Variants in DACH1 observed in about 807,000 individuals in gnomAD.
The protein encoded by DACH1 is dachshund family transcription factor 1.
Under a neutral mutation model 54.2 loss-of-function variants are expected in DACH1, and 12 were observed. That is an observed-to-expected ratio of 0.22 (90% CI 0.14 to 0.36). The LOEUF (loss-of-function observed/expected upper bound fraction) is 0.36. Among genes scored for constraint, DACH1 ranks in the 10% least tolerant of loss-of-function variants. The pLI, the probability that DACH1 is intolerant of heterozygous loss-of-function variation, is 1.00. For synonymous variants in DACH1, 386 were observed against 366.2 expected, an observed-to-expected ratio of 1.05 and a Z score of -0.62; for missense variants, 805 against 929.8, an observed-to-expected ratio of 0.87 and a Z score of 1.75.
intron 6 of DACH1, among the ~76,000 whole-genome samples, chr13:71,549,685 G>T (rs1216676389): frequency 6.6e-6 from 1 of 152,020 alleles, no homozygotes; most frequent in Non-Finnish European, 1.5e-5. Context: ...TTGCTTGTAT[G>T]ATAAATTCCT....
intron 10 of DACH1, among the ~76,000 whole-genome samples, chr13:71,448,092 A>C (rs2138108705): frequency 6.6e-6 from 1 of 152,298 alleles, no homozygotes; most frequent in Non-Finnish European, 1.5e-5. Context: ...TCTGTTAGGA[A>C]GTAGCTTTAT....
intron 1 of DACH1, among the ~76,000 whole-genome samples, chr13:71,698,556 A>G (rs939064756): frequency 9.9e-5 from 15 of 152,162 alleles, no homozygotes; most frequent in African/African-American, 3.4e-4. Flanking sequence ...ATATGCAAAA[A>G]TAAAACCCTA....
chr13:71,760,811 A>G (rs1311669480), intron 1 of DACH1, among the ~76,000 whole-genome samples: 1 of 152,132 alleles, frequency 6.6e-6, no homozygotes, highest in Non-Finnish European at 1.5e-5. Context: ...TTTCACCCCA[A>G]TCTCTTCATG....
intron 6 of DACH1, among the ~76,000 whole-genome samples, chr13:71,542,060 C>G (rs894299046): frequency 2.0e-5 from 3 of 151,124 alleles, no homozygotes; most frequent in African/African-American, 7.3e-5. Context: ...CCAGCCTGAC[C>G]AACATGGTGA....
chr13:71,719,629 T>C (rs1883140093), intron 1 of DACH1, among the ~76,000 whole-genome samples: 1 of 152,110 alleles, frequency 6.6e-6, no homozygotes, highest in Non-Finnish European at 1.5e-5. Context: ...ATTTTAAAAG[T>C]GGCCTTGGGA....
At chr13:71,813,301 T>C (rs1887789775) in intron 1 of DACH1, among the ~76,000 whole-genome samples, 2 of 152,314 alleles carry the variant, frequency 1.3e-5, no homozygotes, top group Middle Eastern at 3.4e-3. Context: ...TCTTGCAAGT[T>C]AGATACTATT....
At chr13:71,615,689 A>T (rs1268565650) in intron 3 of DACH1, among the ~76,000 whole-genome samples, 1 of 152,168 alleles carries the variant, frequency 6.6e-6, no homozygotes. Flanking sequence ...TTCAGTCATG[A>T]TCAACTAATG....
At chr13:71,517,991 A>T (rs1351818404) in intron 6 of DACH1, among the ~76,000 whole-genome samples, 1 of 151,808 alleles carries the variant, frequency 6.6e-6, no homozygotes, top group Non-Finnish European at 1.5e-5. Flanking sequence ...ATGTATCCTC[A>T]TTGTAACACC....
At chr13:71,772,698 T>A (rs1885909244) in intron 1 of DACH1, among the ~76,000 whole-genome samples, 1 of 151,746 alleles carries the variant, frequency 6.6e-6, no homozygotes, top group African/African-American at 2.4e-5. Flanking sequence ...AAACACACCT[T>A]CATCATAAAA....
chr13:71,496,329 C>CAT lies in DACH1; in HGVS notation c.1571-7183_1571-7182dup, dbSNP rs541267865. ...TATACACACACAAAAAGATATGCAACATATATATATATTGTGTATGTGTAT... is the reference window on the plus strand; with the variant it reads ...TATACACACACAAAAAGATATGCAACATATATATATATATTGTGTATGTGTAT... On this transcript the variant is annotated intron_variant, in intron 6 of 10. Coordinates refer to ENST00000613252, the MANE Select transcript of DACH1 (RefSeq NM_080759.6). 6.3e-3 allele frequency among the ~76,000 whole-genome samples: 616 copies of CAT among 97,948 alleles called. 6 individuals carry two copies. Among genetic ancestry groups the CAT allele is most frequent in the Middle Eastern group, 0.013 (2 of 156 alleles). The allele number at this position is 97,948 out of a possible 152,430, so 64.3% of individuals were successfully genotyped here.
chr13:71,505,829 T>C (rs1216145070), intron 6 of DACH1, among the ~76,000 whole-genome samples: 1 of 152,160 alleles, frequency 6.6e-6, no homozygotes, highest in Non-Finnish European at 1.5e-5. Context: ...CTTTAGCCTA[T>C]ATACCTAAGA....
At chr13:71,479,078 ATAC>A (rs1192675978) in intron 8 of DACH1, 88 bp downstream of exon 8, 3 of 1,253,286 alleles carry the variant, frequency 2.4e-6, no homozygotes, top group Middle Eastern at 4.6e-4. Context: ...ATTAACAAAA[ATAC>A]TACAATTTCA....
chr13:71,769,961 A>C (rs1885787426), intron 1 of DACH1, among the ~76,000 whole-genome samples: 1 of 151,700 alleles, frequency 6.6e-6, no homozygotes, highest in African/African-American at 2.4e-5. Flanking sequence ...GCTCTAATAC[A>C]TTATGCTTTG....
Position 71,621,328 on chromosome 13 carries a change from T to C in DACH1, c.1126+9228A>G, listed in dbSNP as rs73521277. 5.4e-3 allele frequency among the ~76,000 whole-genome samples: 821 copies of C among 152,156 alleles called. 11 individuals carry two copies. The highest frequency in any genetic ancestry group is 0.019 in the African/African-American group (779 of 41,532). ...CAGAACCAAAAAGGGAAAAAGTCCC[T>C]GTCGCATTTGCCCTTTCATAGAGAT... On this transcript the variant is annotated intron_variant, in intron 3 of 10. Coordinates refer to ENST00000613252, the MANE Select transcript of DACH1 (RefSeq NM_080759.6).
At chr13:71,762,063 C>G (rs1431573726) in intron 1 of DACH1, among the ~76,000 whole-genome samples, 1 of 152,036 alleles carries the variant, frequency 6.6e-6, no homozygotes, top group Non-Finnish European at 1.5e-5. Context: ...ACCTCAAAGT[C>G]TGTATTGTTA....
intron 1 of DACH1, among the ~76,000 whole-genome samples, chr13:71,775,499 A>C (rs1443860173): frequency 1.3e-5 from 2 of 152,132 alleles, no homozygotes. Flanking sequence ...TATTGGTTTT[A>C]AAGTTTTGTC....
chr13:71,673,580 G>T lies in DACH1; in HGVS notation c.964+8215C>A, dbSNP rs550108897. 8.0e-4 allele frequency among the ~76,000 whole-genome samples: 122 copies of T among 151,898 alleles called. 1 individual carries two copies. Among genetic ancestry groups the T allele is most frequent in the Non-Finnish European group, 8.4e-4 (57 of 68,004 alleles). ...ATATGTTCCCATGGACACGGGGTGG[G>T]TGGGGGACACCACACACCGGTGCCT... On this transcript the variant is annotated intron_variant, in intron 2 of 10. Coordinates refer to ENST00000613252, the MANE Select transcript of DACH1 (RefSeq NM_080759.6).
At chr13:71,478,165 T>A (rs1054080418) in intron 8 of DACH1, among the ~76,000 whole-genome samples, 1 of 152,210 alleles carries the variant, frequency 6.6e-6, no homozygotes, top group African/African-American at 2.4e-5. Context: ...AACTTATTTA[T>A]TCACTTGGAA....
chr13:71,506,020 A>T (rs570169437), intron 6 of DACH1, among the ~76,000 whole-genome samples: 1 of 152,302 alleles, frequency 6.6e-6, no homozygotes, highest in African/African-American at 2.4e-5. Flanking sequence ...TAAAAACTAT[A>T]CTGTTATTTA....
Sources: gnomAD v4.1 joint callset for allele counts (sites outside exome capture counted in the v4.1 genomes callset) on GRCh38, gnomAD v4.1.1 for gene constraint, MANE v1.5 for transcripts, NCBI Gene and HGNC (gene_info 2026-07-23, HGNC 2026-07-21) for gene names.